RAB39A: variants seen among roughly 807,000 people sequenced by gnomAD.
RAB39A encodes the protein ras-related protein Rab-39A.
In RAB39A, 17 loss-of-function variants were observed where a neutral mutation model predicts 20.9. The ratio of observed to expected loss-of-function variants is 0.81; its 90% confidence interval spans 0.56 to 1.22. The LOEUF is 1.22. Ranked by LOEUF, RAB39A falls within the 50% of genes most tolerant of loss-of-function variation. The pLI, the probability that RAB39A is intolerant of heterozygous loss-of-function variation, is 0.00. For synonymous variants in RAB39A, 99 were observed against 103.4 expected, an observed-to-expected ratio of 0.96 and a Z score of 0.26; for missense variants, 234 against 270.5, an observed-to-expected ratio of 0.87 and a Z score of 0.95.
intron 1 of RAB39A, among the ~76,000 whole-genome samples, chr11:107,952,219 A>G (rs935496260): frequency 6.6e-6 from 1 of 152,240 alleles, no homozygotes; most frequent in African/African-American, 2.4e-5. Context: ...ACATTATTCC[A>G]TTGAGTAGAA....
At chr11:107,936,934 C>CAAA (rs71047650) in intron 1 of RAB39A, among the ~76,000 whole-genome samples, 19 of 148,818 alleles carry the variant, frequency 1.3e-4, no homozygotes, top group Admixed American at 4.1e-4. Flanking sequence ...ACTCCCCCTC[C>CAAA]AAAAAAAAAA....
intron 1 of RAB39A, among the ~76,000 whole-genome samples, chr11:107,947,107 G>T (rs999149874): frequency 1.3e-5 from 2 of 151,382 alleles, no homozygotes; most frequent in East Asian, 1.9e-4. Flanking sequence ...AGAAAAAGAT[G>T]ATTTTTTTTT....
At position 107,933,041 on chromosome 11, in the gene RAB39A, T is replaced by G. The variant is rs142281119; in HGVS notation, c.227+4246T>G. On this transcript the variant is annotated intron_variant, in intron 1 of 1. Coordinates refer to ENST00000320578, the MANE Select transcript of RAB39A (RefSeq NM_017516.3). ...TTAATACAGTGTTAATAAGGATAAC[T>G]ATATTGGAAGAGCTAGGTGTATGGA... Among the ~76,000 whole-genome samples the G allele has an allele frequency of 6.9e-3, 1,057 of 152,224 alleles. 11 individuals carry two copies. Among genetic ancestry groups the G allele is most frequent in the Non-Finnish European group, 7.1e-3 (482 of 68,000 alleles).
chr11:107,943,357 G>A (rs1425462531), intron 1 of RAB39A, among the ~76,000 whole-genome samples: 1 of 151,984 alleles, frequency 6.6e-6, no homozygotes, highest in East Asian at 1.9e-4. Context: ...GGATCACGAG[G>A]TCAGGAGATT....
intron 1 of RAB39A, among the ~76,000 whole-genome samples, chr11:107,934,304 T>C (rs1352781725): frequency 6.6e-6 from 1 of 152,024 alleles, no homozygotes; most frequent in African/African-American, 2.4e-5. Flanking sequence ...CATGGTGGCA[T>C]GGACCTGCAT....
chr11:107,942,683 T>C (rs1861271613), intron 1 of RAB39A, among the ~76,000 whole-genome samples: 1 of 152,162 alleles, frequency 6.6e-6, no homozygotes, highest in Non-Finnish European at 1.5e-5. Flanking sequence ...CCTTATAGTT[T>C]ATTAGTGGTT....
chr11:107,929,919 A>G (rs1296670763), intron 1 of RAB39A, among the ~76,000 whole-genome samples: 1 of 152,206 alleles, frequency 6.6e-6, no homozygotes, highest in Non-Finnish European at 1.5e-5. Flanking sequence ...TGCGTTAGTC[A>G]GCAAGTACTC....
chr11:107,950,587 C>T (rs1033962248), intron 1 of RAB39A, among the ~76,000 whole-genome samples: 2 of 151,792 alleles, frequency 1.3e-5, no homozygotes, highest in Admixed American at 6.6e-5. Flanking sequence ...GGCAACATGG[C>T]GAAACTTCGT....
intron 1 of RAB39A, among the ~76,000 whole-genome samples, chr11:107,961,170 G>A (rs573725091): frequency 6.6e-6 from 1 of 152,298 alleles, no homozygotes; most frequent in East Asian, 1.9e-4. Context: ...ACAGAATGGG[G>A]ATTTAAACAA....
intron 1 of RAB39A, among the ~76,000 whole-genome samples, chr11:107,947,807 C>CAAAAAAAAAAAAAAAAAAAAAAAAAA (rs35694249): frequency 2.1e-4 from 17 of 80,198 alleles, no homozygotes; most frequent in South Asian, 6.1e-4. Flanking sequence ...CATCAACAGG[C>CAAAAAAAAAAAAAAAAAAAAAAAAAA]AAAAAAAAAA....
chr11:107,935,046 A>G (rs1325548477), intron 1 of RAB39A, among the ~76,000 whole-genome samples: 2 of 140,268 alleles, frequency 1.4e-5, no homozygotes, highest in Non-Finnish European at 3.3e-5. Context: ...CTGCCTCTCC[A>G]TGTTTTTTCC....
intron 1 of RAB39A, among the ~76,000 whole-genome samples, chr11:107,938,590 G>C (rs534516632): frequency 8.1e-6 from 1 of 122,760 alleles, no homozygotes; most frequent in African/African-American, 2.9e-5. Context: ...AAAAAAATTA[G>C]GTGGGCATGG....
intron 1 of RAB39A, among the ~76,000 whole-genome samples, chr11:107,957,494 G>C (rs1861449365): frequency 6.6e-6 from 1 of 152,210 alleles, no homozygotes. Context: ...GGCAAGGAAA[G>C]GAGACTGCTC....
intron 1 of RAB39A, among the ~76,000 whole-genome samples, chr11:107,956,018 AT>A (rs1861432565): frequency 6.6e-6 from 1 of 152,010 alleles, no homozygotes; most frequent in Non-Finnish European, 1.5e-5. Flanking sequence ...TGGCTACTGT[AT>A]TTTCATTGGA....
chr11:107,941,644 C>G (rs1861260225), intron 1 of RAB39A, among the ~76,000 whole-genome samples: 1 of 152,128 alleles, frequency 6.6e-6, no homozygotes, highest in South Asian at 2.1e-4. Flanking sequence ...AAGCACAAAG[C>G]CTTCCGATGA....
At chr11:107,940,672 C>T (rs1283968328) in intron 1 of RAB39A, among the ~76,000 whole-genome samples, 1 of 152,100 alleles carries the variant, frequency 6.6e-6, no homozygotes, top group Admixed American at 6.6e-5. Context: ...GGGAAGTTTG[C>T]TTTAAAAATG....
chr11:107,958,460 T>A (rs1164420670), intron 1 of RAB39A, among the ~76,000 whole-genome samples: 3 of 152,134 alleles, frequency 2.0e-5, no homozygotes, highest in African/African-American at 7.2e-5. Context: ...GCCTTTCAGT[T>A]CAAGTTTTCC....
Position 107,962,100 on chromosome 11 carries a change from A to T in RAB39A, c.382A>T (p.Lys128Ter), listed in dbSNP as rs763515951. The T allele has an allele frequency of 6.8e-6, 11 of 1,614,058 alleles. No homozygotes were observed. The highest frequency in any genetic ancestry group is 9.3e-6 in the Non-Finnish European group (11 of 1,180,022). Residue 128 changes from lysine to a stop codon, truncating the protein, a stop_gained, in exon 2 of 2, where the codon AAA becomes TAA. Coordinates refer to ENST00000320578, the MANE Select transcript of RAB39A (RefSeq NM_017516.3). LOFTEE classifies it high-confidence loss of function. Reference protein sequence around the residue: ...FRIVFLLVGHKCDLASQRQVT... With the variant: ...FRIVFLLVGH ...GATTGTATTTCTGCTAGTGGGACAT[A>T]AATGTGATTTAGCTTCACAACGTCA... is the stretch of plus-strand genomic sequence containing the variant.
chr11:107,933,180 C>G (rs941129677), intron 1 of RAB39A, among the ~76,000 whole-genome samples: 6 of 151,722 alleles, frequency 4.0e-5, no homozygotes, highest in Admixed American at 2.0e-4. Flanking sequence ...AATGGGAAAC[C>G]TCTAGGCTTT....
Sources: allele counts gnomAD v4.1 joint callset (sites outside exome capture counted in the v4.1 genomes callset), GRCh38; gene constraint gnomAD v4.1.1; transcripts MANE v1.5; gene names NCBI Gene and HGNC (gene_info 2026-07-23, HGNC 2026-07-21).